Variants in PDE1B observed in about 807,000 individuals in gnomAD.
PDE1B encodes phosphodiesterase 1B.
Under a neutral mutation model 66.7 loss-of-function variants are expected in PDE1B, and 13 were observed. That is an observed-to-expected ratio of 0.19 (90% CI 0.13 to 0.31). PDE1B has a LOEUF of 0.31. Ranked by LOEUF, PDE1B falls within the 10% of genes least tolerant of loss-of-function variation. The pLI, the probability that PDE1B is intolerant of heterozygous loss-of-function variation, is 1.00. For missense variants in PDE1B, 485 were observed against 682.3 expected (o/e 0.71, Z 3.22); for synonymous variants, 230 against 253.9 (o/e 0.91, Z 0.90).
intron 2 of PDE1B, among the ~76,000 whole-genome samples, chr12:54,559,608 T>C (rs1957381151): frequency 6.6e-6 from 1 of 152,216 alleles, no homozygotes; most frequent in African/African-American, 2.4e-5. Flanking sequence ...GGGCAAAGTA[T>C]GCAGCATGCA....
chr12:54,567,582 T>A (rs1350636317), intron 3 of PDE1B, among the ~76,000 whole-genome samples: 1 of 151,598 alleles, frequency 6.6e-6, no homozygotes, highest in East Asian at 1.9e-4. Flanking sequence ...TGGTAAGAGA[T>A]AAAGAAGCAG....
intron 2 of PDE1B, among the ~76,000 whole-genome samples, chr12:54,556,460 A>T (rs2121041015): frequency 6.6e-6 from 1 of 152,300 alleles, no homozygotes; most frequent in Admixed American, 6.5e-5. Flanking sequence ...CCTGTGCCCT[A>T]GTATCCCCCA....
In PDE1B at chr12:54,570,264, T is replaced by C; in HGVS notation, c.501T>C (p.Asp167=). The change falls in exon 6 of 16, where the codon GAT becomes GAC. Residue 167 remains aspartate (D), a synonymous_variant. Coordinates refer to ENST00000243052, the MANE Select transcript of PDE1B (RefSeq NM_000924.4). ...AGAACCTGGATCTCTGGTGCTTTGATGTCTTTTCCTTGAACCAGGCAGCAG... is the reference window on the plus strand; with the variant it reads ...AGAACCTGGATCTCTGGTGCTTTGACGTCTTTTCCTTGAACCAGGCAGCAG... ...CLKNLDLWCF[D]VFSLNQAADD... The C allele has an allele frequency of 6.2e-7, 1 of 1,612,290 alleles. No homozygotes were observed. The highest frequency in any genetic ancestry group is 8.5e-7 in the Non-Finnish European group (1 of 1,178,288).
rs117780644 is a variant in PDE1B, at chr12:54,550,950, C to T, written c.113+965C>T. Among the ~76,000 whole-genome samples, 23 of 152,318 alleles carry T rather than the reference C, an allele frequency of 1.5e-4. No individual in the cohort carries two copies. The East Asian group carries it at 3.7e-3, about 24-fold the overall frequency. On this transcript the variant is annotated intron_variant, in intron 2 of 15. Coordinates refer to ENST00000243052, the MANE Select transcript of PDE1B (RefSeq NM_000924.4). ...TCAGCTGCTGCCATTGGGAAATCTC[C>T]GCAGTCTGTTGATTCTTAATCAGGG... is the stretch of plus-strand genomic sequence containing the variant.
intron 2 of PDE1B, chr12:54,561,542 G>C (rs1957411090): frequency 6.8e-7 from 1 of 1,478,164 alleles, no homozygotes; most frequent in Non-Finnish European, 9.0e-7. Flanking sequence ...GGGGCTCCTG[G>C]GGTCAGGATT....
In PDE1B at chr12:54,569,034, T is replaced by C; in HGVS notation, c.228-150T>C. 11 of 1,309,342 alleles carry C rather than the reference T, an allele frequency of 8.4e-6. No homozygotes were observed. Among genetic ancestry groups the C allele is most frequent in the Non-Finnish European group, 1.1e-5 (11 of 985,414 alleles). 81.1% of individuals were successfully genotyped at this position (1,309,342 alleles called of 1,614,324 possible). A position where few individuals can be genotyped will look rare whatever the true frequency, so the allele number is the denominator to read the frequency against. On this transcript the variant is annotated intron_variant, in intron 3 of 15. Transcript: ENST00000243052. This position sits in a 1 kb window ranked among gnomAD's most constrained non-coding sequence, Gnocchi z 4.4. ...TTATTGGAGATGTTAGATAAAGAAA[T>C]AAAAAGATATAGAGAAAGAAAGGAA...
intron 6 of PDE1B, chr12:54,571,897 C>T (rs1957622302): frequency 6.6e-6 from 1 of 152,248 alleles, no homozygotes; most frequent in East Asian, 1.9e-4. Context: ...CCTCCCGAGT[C>T]CTGAACCTTC....
chr12:54,556,546 G>A (rs7297522), intron 2 of PDE1B, among the ~76,000 whole-genome samples: 18,032 of 152,108 alleles, frequency 0.12, 1,208 homozygotes, highest in African/African-American at 0.18. Context: ...GAAAACACCA[G>A]GTCCAGATTC....
intron 2 of PDE1B, among the ~76,000 whole-genome samples, chr12:54,564,032 A>G (rs1395422035): frequency 2.0e-5 from 3 of 152,186 alleles, no homozygotes; most frequent in South Asian, 2.1e-4. Flanking sequence ...TGAACCAAAC[A>G]TGATCCAGAC....
rs773537744 is a variant in PDE1B at position 54,572,749 on chromosome 12, C to T, written c.735+8C>T. On this transcript the variant is annotated splice_region_variant and intron_variant, in intron 7 of 15. Coordinates refer to ENST00000243052, the MANE Select transcript of PDE1B (RefSeq NM_000924.4). The stretch of plus-strand genomic sequence containing the variant: ...CTCCGCACAGGGATGGTGGTAGGTG[C>T]CCTGGAGATGATTCTTCTGTGATTC... The T allele has an allele frequency of 1.9e-6, 3 of 1,613,058 alleles. No homozygotes were observed. The highest frequency in any genetic ancestry group is 2.7e-5 in the African/African-American group (2 of 74,896).
intron 2 of PDE1B, among the ~76,000 whole-genome samples, chr12:54,556,934 A>C (rs530730838): frequency 2.0e-5 from 3 of 152,222 alleles, no homozygotes; most frequent in Non-Finnish European, 2.9e-5. Context: ...ATTCTCTGGC[A>C]GGCAGGACCT....
Position 54,577,302 on chromosome 12 carries a change from C to T in PDE1B, c.1585C>T (p.His529Tyr), listed in dbSNP as rs767929918. 31 of 1,614,008 alleles carry T rather than the reference C, an allele frequency of 1.9e-5. No individual in the cohort carries two copies. Among genetic ancestry groups the T allele is most frequent in the Non-Finnish European group, 2.6e-5 (31 of 1,179,990 alleles). Reference sequence around the variant, plus strand: ...CCCCCCATCCCCTGCCGAAGATGAACACAACCAGAATGGGAATCTGGATTA... The same window carrying T: ...CCCCCCATCCCCTGCCGAAGATGAATACAACCAGAATGGGAATCTGGATTA... ...EAPPSPAEDE[H>Y]NQNGNLD The change falls in exon 15 of 16, where the codon CAC (histidine) becomes TAC (tyrosine). Residue 529 changes from histidine (H) to tyrosine (Y), a missense_variant. His to Tyr is a moderately conservative substitution (Grantham distance 83, BLOSUM62 2). Transcript: ENST00000243052.
intron 2 of PDE1B, chr12:54,561,376 C>T: frequency 1.1e-6 from 1 of 950,016 alleles, no homozygotes; most frequent in African/African-American, 1.7e-5. Flanking sequence ...TCCCCTCTCA[C>T]CCAGTTCCGG....
Position 54,575,318 on chromosome 12 carries a change from C to G in PDE1B, c.1185+100C>G. ...CTGTTCCACATCCTCCTTTTGCTAC[C>G]TGTAGTCTCTGACCTGATCCCAAAT... is the stretch of plus-strand genomic sequence containing the variant. On this transcript the variant is annotated intron_variant, in intron 11 of 15. Transcript: ENST00000243052. The surrounding 1 kb of genome is among the most constrained non-coding windows in gnomAD (Gnocchi z 4.0). 9.3e-7 allele frequency: 1 copy of G among 1,076,432 alleles called. No homozygotes were observed. Among genetic ancestry groups the G allele is most frequent in the Non-Finnish European group, 1.4e-6 (1 of 707,052 alleles). The allele number at this position is 1,076,432 out of a possible 1,614,324, so 66.7% of individuals were successfully genotyped here.
In PDE1B at chr12:54,573,034, C is replaced by G. The variant is rs1272539474; in HGVS notation, c.736-114C>G. The G allele has an allele frequency of 1.2e-6, 1 of 821,574 alleles. No homozygotes were observed. The allele number at this position is 821,574 out of a possible 1,614,324, so 50.9% of individuals were successfully genotyped here. ...GAAACCTGGCTGCATTAACCAAGAG[C>G]TGGCCTGGAAGCATGGAAGGGATGG... On this transcript the variant is annotated intron_variant, in intron 7 of 15. Coordinates refer to ENST00000243052, the MANE Select transcript of PDE1B (RefSeq NM_000924.4). The surrounding 1 kb of genome is among the most constrained non-coding windows in gnomAD (Gnocchi z 5.2).
chr12:54,573,601 C>T lies in PDE1B; in HGVS notation c.963-7C>T, dbSNP rs185378032. 68 of 1,613,002 alleles carry T rather than the reference C, an allele frequency of 4.2e-5. No homozygotes were observed. Among genetic ancestry groups the T allele is most frequent in the Admixed American group, 3.7e-4 (22 of 60,022 alleles). On this transcript the variant is annotated splice_polypyrimidine_tract_variant and splice_region_variant and intron_variant, in intron 9 of 15. Transcript: ENST00000243052. This position sits in a 1 kb window ranked among gnomAD's most constrained non-coding sequence, Gnocchi z 5.2. ...GACTGATTGCTTCTCTTTTTATGTC[C>T]GCTCAGAGAACTCCGAGCCCTGGTC... is the stretch of plus-strand genomic sequence containing the variant.
At chr12:54,565,675 T>G (rs533389773) in intron 2 of PDE1B, among the ~76,000 whole-genome samples, 1 of 152,312 alleles carries the variant, frequency 6.6e-6, no homozygotes, top group African/African-American at 2.4e-5. Context: ...CCACTTTCCC[T>G]TCTGTCCCAT....
chr12:54,576,475 T>G lies in PDE1B; in HGVS notation c.1377-96T>G, dbSNP rs909984806. Reference sequence around the variant, plus strand: ...GAGGAAGATGAAGTTCCCTGAACCTTCTCCTGGTCTTCCATGTCCTGCACT... The same window carrying G: ...GAGGAAGATGAAGTTCCCTGAACCTGCTCCTGGTCTTCCATGTCCTGCACT... On this transcript the variant is annotated intron_variant, in intron 13 of 15. Transcript: ENST00000243052. The G allele has an allele frequency of 8.9e-6, 13 of 1,460,416 alleles. No homozygotes were observed. The Admixed American group carries it at 2.0e-4, about 22-fold the overall frequency. 90.5% of individuals were successfully genotyped at this position (1,460,416 alleles called of 1,614,324 possible).
rs376776403 is a variant in PDE1B at position 54,563,805 on chromosome 12, C to T, written c.114-3169C>T. On this transcript the variant is annotated intron_variant, in intron 2 of 15. Coordinates refer to ENST00000243052, the MANE Select transcript of PDE1B (RefSeq NM_000924.4). Reference sequence around the variant, plus strand: ...GAACAAGTTGAGGCTCTAAGATAAACATTCTCAAAGTTTAGTGTATATTAG... The same window carrying T: ...GAACAAGTTGAGGCTCTAAGATAAATATTCTCAAAGTTTAGTGTATATTAG... Among the ~76,000 whole-genome samples the T allele has an allele frequency of 5.9e-5, 9 of 152,314 alleles. No individual in the cohort carries two copies. In the East Asian group the frequency reaches 1.5e-3, roughly 26 times the overall value.
Sources: gnomAD v4.1 joint callset for allele counts (sites outside exome capture counted in the v4.1 genomes callset) on GRCh38, gnomAD v4.1.1 for gene constraint, Gnocchi (gnomAD v3.1) non-coding constraint, MANE v1.5 for transcripts, NCBI Gene and HGNC (gene_info 2026-07-23, HGNC 2026-07-21) for gene names.